Variants in PRSS48 observed in about 807,000 individuals in gnomAD.
The protein encoded by PRSS48 is epidermis-specific serine protease-like protein.
Under a neutral mutation model 25.6 loss-of-function variants are expected in PRSS48, and 21 were observed. The observed-to-expected ratio is 0.82, with a 90% CI of 0.58 to 1.18. The LOEUF is 1.18. PRSS48 is among the 50% of genes most tolerant of loss of function. The pLI, the probability that PRSS48 is intolerant of heterozygous loss-of-function variation, is 0.00. For synonymous variants in PRSS48, 150 were observed against 149.3 expected (o/e 1.00, Z -0.04); for missense variants, 373 against 399.3 (o/e 0.93, Z 0.56).
intron 1 of PRSS48, among the ~76,000 whole-genome samples, chr4:151,278,036 G>A (rs1309715992): frequency 2.0e-5 from 3 of 151,284 alleles, no homozygotes; most frequent in Non-Finnish European, 4.4e-5. Context: ...GTAAGACCCC[G>A]TCCCCCCAAA....
intron 1 of PRSS48, among the ~76,000 whole-genome samples, chr4:151,278,805 A>C (rs997853424): frequency 6.6e-6 from 1 of 151,972 alleles, no homozygotes; most frequent in African/African-American, 2.4e-5. Flanking sequence ...TAATTTCTTT[A>C]TATTTTTTGT....
chr4:151,279,669 T>G, intron 1 of PRSS48, 127 bp from the exon 2 acceptor site: 2 of 800,140 alleles, frequency 2.5e-6, no homozygotes, highest in African/African-American at 1.7e-5. Context: ...CAGAATAGGA[T>G]GGAGTATGGT....
At chr4:151,291,482 G>C (rs754476099), downstream of PRSS48, 39 of 1,432,952 alleles carry the variant, frequency 2.7e-5, no homozygotes, top group South Asian at 4.5e-4. Flanking sequence ...CTAACCCTGG[G>C]TGACTTTATT....
chr4:151,277,913 C>T (rs1215634096), intron 1 of PRSS48, among the ~76,000 whole-genome samples: 1 of 152,034 alleles, frequency 6.6e-6, no homozygotes, highest in African/African-American at 2.4e-5. Flanking sequence ...TGGTGGCGGG[C>T]ACCTGTAGTC....
intron 4 of PRSS48, among the ~76,000 whole-genome samples, chr4:151,290,226 C>T (rs1186095962): frequency 6.6e-6 from 1 of 152,128 alleles, no homozygotes. Context: ...ATTACAGACA[C>T]GAACCATCAT....
exon 5 of PRSS48, chr4:151,291,452 A>G: frequency 6.3e-7 from 1 of 1,585,238 alleles, no homozygotes; most frequent in Non-Finnish European, 8.6e-7. Context: ...AGGGGCAGAT[A>G]ACTCACAGGA....
At chr4:151,277,321 A>G (rs1479088590) in intron 1 of PRSS48, 97 bp downstream of exon 1, 18 of 941,040 alleles carry the variant, frequency 1.9e-5, no homozygotes, top group African/African-American at 1.8e-4. Flanking sequence ...ATGGGATGTT[A>G]GTTATGAGTA....
At chr4:151,279,869 G>A in exon 2 of PRSS48, 1 of 1,613,886 alleles carries the variant, frequency 6.2e-7, no homozygotes, top group Non-Finnish European at 8.5e-7. Flanking sequence ...GGCCTTGGCA[G>A]GTCAGCCTAC....
At chr4:151,280,148 C>T (rs1438463333) in intron 2 of PRSS48, among the ~76,000 whole-genome samples, 190 bp downstream of exon 2, 1 of 67,452 alleles carries the variant, frequency 1.5e-5, no homozygotes. Context: ...AAGTTGGAGA[C>T]AGGCACTATA....
chr4:151,277,903 TG>T (rs1225269955), intron 1 of PRSS48, among the ~76,000 whole-genome samples: 1 of 151,984 alleles, frequency 6.6e-6, no homozygotes, highest in Non-Finnish European at 1.5e-5. Context: ...TAGCCGGGCG[TG>T]GTGGCGGGCA....
At chr4:151,283,235 G>C in exon 4 of PRSS48, 1 of 1,613,816 alleles carries the variant, frequency 6.2e-7, no homozygotes, top group East Asian at 2.2e-5. Flanking sequence ...CAGTCATCAA[G>C]GAAGACAAGA....
At chr4:151,281,804 C>G (rs1455163225) in intron 2 of PRSS48, among the ~76,000 whole-genome samples, 2 of 151,964 alleles carry the variant, frequency 1.3e-5, no homozygotes, top group African/African-American at 4.8e-5. Context: ...GTGCTCAGAA[C>G]AGAAATTAGT....
exon 4 of PRSS48, chr4:151,283,226 A>T: frequency 1.2e-6 from 2 of 1,613,894 alleles, no homozygotes; most frequent in Non-Finnish European, 8.5e-7. Context: ...CACTGGAGCC[A>T]GTCATCAAGG....
At chr4:151,286,751 G>A (rs1030536290) in intron 4 of PRSS48, among the ~76,000 whole-genome samples, 4 of 151,662 alleles carry the variant, frequency 2.6e-5, no homozygotes, top group South Asian at 4.2e-4. Context: ...AGGCCAAGGC[G>A]GACAGGTCAA....
intron 1 of PRSS48, among the ~76,000 whole-genome samples, chr4:151,279,553 C>T (rs553882859): frequency 5.3e-5 from 8 of 152,144 alleles, no homozygotes; most frequent in Non-Finnish European, 1.0e-4. Flanking sequence ...GTTAATGATA[C>T]CCTATTTCTT....
chr4:151,290,862 TTTTA>T lies in PRSS48; in HGVS notation c.652-252_652-249del, dbSNP rs1261891890. 2.0e-5 allele frequency among the ~76,000 whole-genome samples: 3 copies of T among 152,328 alleles called. No individual in the cohort carries two copies. In the East Asian group the frequency reaches 5.8e-4, roughly 29 times the overall value. ...TTTAGTGAAAAAATCATCTCATTAG[TTTTA>T]TTTCTCTTTTTATCACAGACAAATA... On this transcript the variant is annotated intron_variant, in intron 4 of 4. Transcript: ENST00000455694.
intron 2 of PRSS48, 94 bp downstream of exon 2, chr4:151,280,052 A>G (rs1875308): frequency 0.91 from 1,249,738 of 1,372,792 alleles, 579,377 homozygotes; most frequent in Non-Finnish European, 0.97. Flanking sequence ...AAAGTGGTAA[A>G]ATAGGCAGGG....
intron 4 of PRSS48, among the ~76,000 whole-genome samples, chr4:151,288,052 A>AAC (rs1554067469): frequency 6.6e-6 from 1 of 151,864 alleles, no homozygotes; most frequent in African/African-American, 2.4e-5. Flanking sequence ...TATGGAAAAA[A>AAC]ATTTGACAAA....
intron 4 of PRSS48, among the ~76,000 whole-genome samples, chr4:151,284,195 T>TAA (rs1774518017): frequency 6.6e-6 from 1 of 152,208 alleles, no homozygotes; most frequent in South Asian, 2.1e-4. Context: ...CCTCCCCTTC[T>TAA]AGATGAAACC....
Sources: gnomAD v4.1 joint callset for allele counts (sites outside exome capture counted in the v4.1 genomes callset) on GRCh38, gnomAD v4.1.1 for gene constraint, MANE v1.5 for transcripts, NCBI Gene and HGNC (gene_info 2026-07-23, HGNC 2026-07-21) for gene names.